IGF2BP3: variants seen among roughly 807,000 people sequenced by gnomAD.
IGF2BP3 encodes insulin like growth factor 2 mRNA binding protein 3.
IGF2BP3 carries 9 observed loss-of-function variants against 73.8 expected under a neutral mutation model. That is an observed-to-expected ratio of 0.12 (90% CI 0.07 to 0.21). IGF2BP3 has a LOEUF of 0.21. Ranked by LOEUF, IGF2BP3 falls within the 10% of genes least tolerant of loss-of-function variation. IGF2BP3 has a pLI of 1.00. For synonymous variants in IGF2BP3, 258 were observed against 256.7 expected (o/e 1.01, Z -0.05); for missense variants, 542 against 714.0 (o/e 0.76, Z 2.75).
At chr7:23,380,967 A>G (rs1182449415) in intron 3 of IGF2BP3, among the ~76,000 whole-genome samples, 1 of 152,196 alleles carries the variant, frequency 6.6e-6, no homozygotes, top group Non-Finnish European at 1.5e-5. Context: ...CCTCTCTCCC[A>G]TCTTCCATAG....
At chr7:23,341,688 C>G (rs1215407464) in intron 10 of IGF2BP3, among the ~76,000 whole-genome samples, 1 of 151,688 alleles carries the variant, frequency 6.6e-6, no homozygotes, top group Non-Finnish European at 1.5e-5. Flanking sequence ...TTTAAATAAC[C>G]ACCATGGCAC....
rs1433853365 is a variant in IGF2BP3, at chr7:23,469,672, C to T, written c.175+264G>A. On this transcript the variant is annotated intron_variant, in intron 1 of 14. Coordinates refer to ENST00000258729, the MANE Select transcript of IGF2BP3 (RefSeq NM_006547.3). This position sits in a 1 kb window ranked among gnomAD's most constrained non-coding sequence, Gnocchi z 6.1. ...GGAGCGCGCCTCCCCCAGCCCCGCG[C>T]CCCCCTTAGCCAGCGCCGGGGCTTT... is the stretch of plus-strand genomic sequence containing the variant. Among the ~76,000 whole-genome samples the T allele has an allele frequency of 6.6e-6, 1 of 151,608 alleles. No individual in the cohort carries two copies. Among genetic ancestry groups the T allele is most frequent in the Non-Finnish European group, 1.5e-5 (1 of 67,790 alleles).
chr7:23,460,086 A>G (rs1397188274), intron 2 of IGF2BP3, among the ~76,000 whole-genome samples: 1 of 133,774 alleles, frequency 7.5e-6, no homozygotes, highest in Non-Finnish European at 1.6e-5. Context: ...AAAAAAAATT[A>G]GCCAGACGAG....
At chr7:23,393,240 A>T (rs977379158) in intron 3 of IGF2BP3, among the ~76,000 whole-genome samples, 7 of 152,212 alleles carry the variant, frequency 4.6e-5, no homozygotes, top group Non-Finnish European at 1.0e-4. Context: ...TGCTAGTACC[A>T]GGCAACGTGG....
intron 9 of IGF2BP3, among the ~76,000 whole-genome samples, chr7:23,343,363 T>A (rs1784756753): frequency 6.6e-6 from 1 of 152,152 alleles, no homozygotes; most frequent in Non-Finnish European, 1.5e-5. Flanking sequence ...TCATAAATGG[T>A]TCAGCTGTGA....
chr7:23,326,497 A>C (rs1205260671), intron 10 of IGF2BP3, among the ~76,000 whole-genome samples: 2 of 151,650 alleles, frequency 1.3e-5, no homozygotes, highest in African/African-American at 4.9e-5. Context: ...ACCATTGTGG[A>C]AGTCAGTGTG....
chr7:23,371,058 T>C (rs186941697), intron 3 of IGF2BP3, among the ~76,000 whole-genome samples: 21 of 152,132 alleles, frequency 1.4e-4, no homozygotes, highest in Middle Eastern at 3.4e-3. Flanking sequence ...GATATAGAAG[T>C]GGAACAAGCA....
chr7:23,322,108 C>A (rs188077883), intron 10 of IGF2BP3, among the ~76,000 whole-genome samples: 183 of 152,224 alleles, frequency 1.2e-3, no homozygotes, highest in African/African-American at 4.0e-3. Context: ...AGGCTTCAGA[C>A]AATCCAATTA....
chr7:23,455,869 T>C (rs1039043897), intron 2 of IGF2BP3, among the ~76,000 whole-genome samples: 13 of 152,144 alleles, frequency 8.5e-5, no homozygotes, highest in South Asian at 2.1e-4. Flanking sequence ...GTATTTTTAG[T>C]AGAGACGGGG....
At chr7:23,385,268 G>C (rs1226589189) in intron 3 of IGF2BP3, among the ~76,000 whole-genome samples, 1 of 152,092 alleles carries the variant, frequency 6.6e-6, no homozygotes, top group East Asian at 1.9e-4. Context: ...CATCTATGAA[G>C]TATTCTTGCT....
chr7:23,419,837 A>G (rs1787294632), intron 2 of IGF2BP3, among the ~76,000 whole-genome samples: 1 of 152,230 alleles, frequency 6.6e-6, no homozygotes. Flanking sequence ...TGGGCGACAG[A>G]GCGAGACTCC....
chr7:23,368,327 A>AAAG (rs1554321039), intron 3 of IGF2BP3, among the ~76,000 whole-genome samples: 66 of 124,608 alleles, frequency 5.3e-4, no homozygotes, highest in African/African-American at 2.0e-3. Flanking sequence ...AGAGAGAAAG[A>AAAG]AAAGAAAGAA....
At chr7:23,350,369 G>A (rs1784929515) in intron 6 of IGF2BP3, among the ~76,000 whole-genome samples, 1 of 152,184 alleles carries the variant, frequency 6.6e-6, no homozygotes, top group African/African-American at 2.4e-5. Flanking sequence ...CTTGCACAAT[G>A]GTATTTTTGG....
chr7:23,334,613 T>C (rs936150054), intron 10 of IGF2BP3, among the ~76,000 whole-genome samples: 2 of 152,228 alleles, frequency 1.3e-5, no homozygotes, highest in Non-Finnish European at 2.9e-5. Context: ...TCTTTGGGAC[T>C]GAAGGATGTT....
At chr7:23,329,559 T>C (rs539711447) in intron 10 of IGF2BP3, among the ~76,000 whole-genome samples, 62 of 152,364 alleles carry the variant, frequency 4.1e-4, no homozygotes, top group Non-Finnish European at 7.8e-4. Flanking sequence ...GCTCAGTCTA[T>C]GGAATTCTAG....
intron 3 of IGF2BP3, among the ~76,000 whole-genome samples, chr7:23,367,633 A>G (rs1785417700): frequency 6.6e-6 from 1 of 152,170 alleles, no homozygotes; most frequent in Non-Finnish European, 1.5e-5. Flanking sequence ...CTCATAGAAA[A>G]TGTCTTTCTA....
intron 2 of IGF2BP3, among the ~76,000 whole-genome samples, chr7:23,438,783 C>G (rs1339014086): frequency 6.6e-6 from 1 of 152,018 alleles, no homozygotes; most frequent in African/African-American, 2.4e-5. Flanking sequence ...TGTCACACTT[C>G]CAGTTAAATT....
chr7:23,326,929 A>T (rs1415226465), intron 10 of IGF2BP3, among the ~76,000 whole-genome samples: 1 of 82,080 alleles, frequency 1.2e-5, no homozygotes, highest in Non-Finnish European at 2.2e-5. Flanking sequence ...GGGTGGGGGG[A>T]GGGGGGAGGG....
At chr7:23,401,313 C>T (rs951109848) in intron 3 of IGF2BP3, among the ~76,000 whole-genome samples, 9 of 152,152 alleles carry the variant, frequency 5.9e-5, no homozygotes, top group Admixed American at 5.9e-4. Context: ...GGTTCACCAT[C>T]AACATCATGG....
Sources: gnomAD v4.1 joint callset for allele counts (sites outside exome capture counted in the v4.1 genomes callset) on GRCh38, gnomAD v4.1.1 for gene constraint, Gnocchi (gnomAD v3.1) non-coding constraint, MANE v1.5 for transcripts, NCBI Gene and HGNC (gene_info 2026-07-23, HGNC 2026-07-21) for gene names.